The following MARF1 variants were observed in gnomAD, a reference collection of about 807,000 sequenced individuals.
The protein encoded by MARF1 is limkain-b1.
Under a neutral mutation model 168.2 loss-of-function variants are expected in MARF1, and 24 were observed. The ratio of observed to expected loss-of-function variants is 0.14; its 90% CI spans 0.10 to 0.20. The LOEUF is 0.20. Among genes scored for constraint, MARF1 ranks in the 10% least tolerant of loss-of-function variants. The pLI is 1.00. For synonymous variants in MARF1, 868 were observed against 822.4 expected (o/e 1.06, Z -0.95); for missense variants, 1,744 against 2,143.6 (o/e 0.81, Z 3.68).
At position 15,611,107 on chromosome 16, in the gene MARF1, A is replaced by C; in HGVS notation, c.3619T>G (p.Cys1207Gly). The change falls in exon 19 of 27, where the codon TGT (cysteine) becomes GGT (glycine). Residue 1207 changes from cysteine to glycine, a missense_variant and splice_region_variant. Physicochemically the swap from Cys to Gly is radical, Grantham distance 159. Transcript: ENST00000396368. ...VREFSQAYHW[C>G]FSKDWDVTEY... is the part of the protein sequence containing the mutation. The stretch of plus-strand genomic sequence containing the variant: ...GTGACATCCCAGTCCTTTGAGAAAC[A>C]CCTAGGTTTTAACAACGGAAGTGGA... The C allele has an allele frequency of 6.2e-7, 1 of 1,613,666 alleles. No homozygotes were observed. The highest frequency in any genetic ancestry group is 1.1e-5 in the South Asian group (1 of 91,052).
At chr16:15,605,741 G>A (rs1032736667) in intron 21 of MARF1, 1 of 152,166 alleles carries the variant, frequency 6.6e-6, no homozygotes, top group African/African-American at 2.4e-5. Context: ...TAAGGTTGGA[G>A]AAGCTCCCAG....
intron 22 of MARF1, 44 bp downstream of exon 22, chr16:15,604,124 G>T: frequency 1.4e-6 from 2 of 1,419,022 alleles, no homozygotes; most frequent in Non-Finnish European, 2.0e-6. Context: ...ATGCCCAATC[G>T]ATAGTTTTCA....
intron 20 of MARF1, 58 bp downstream of exon 20, chr16:15,609,465 G>C: frequency 7.0e-7 from 1 of 1,427,822 alleles, no homozygotes; most frequent in South Asian, 1.2e-5. Flanking sequence ...ACGTGAAAAA[G>C]TATTTCCTAT....
At chr16:15,604,136 T>A in intron 22 of MARF1, 32 bp downstream of exon 22, 1 of 1,479,904 alleles carries the variant, frequency 6.8e-7, no homozygotes, top group Non-Finnish European at 9.4e-7. Context: ...TAGTTTTCAA[T>A]GATAGTTCTA....
intron 7 of MARF1, 148 bp from the exon 8 acceptor site, chr16:15,625,948 T>C (rs2034812045): frequency 1.5e-6 from 1 of 645,808 alleles, no homozygotes; most frequent in Admixed American, 2.9e-5. Context: ...GTAAATTATT[T>C]AGTGTTGACA....
In MARF1 at chr16:15,643,077, C is replaced by A. The variant is rs1052769129; in HGVS notation, c.-118G>T. ...GCCCCGCCGCCTTCCCCCCGCCCCCCCCAGGCCCTTTGTTTTGATTCCCGA... is the reference window on the plus strand; with the variant it reads ...GCCCCGCCGCCTTCCCCCCGCCCCCACCAGGCCCTTTGTTTTGATTCCCGA... On this transcript the variant is annotated 5_prime_UTR_variant, in exon 1 of 27. Coordinates refer to ENST00000396368, the MANE Select transcript of MARF1 (RefSeq NM_014647.4). 8 of 298,086 alleles carry A rather than the reference C, an allele frequency of 2.7e-5. No individual in the cohort carries two copies. The highest frequency in any genetic ancestry group is 3.1e-4 in the East Asian group (2 of 6,492). 18.5% of individuals were successfully genotyped at this position (298,086 alleles called of 1,614,324 possible).
Position 15,596,589 on chromosome 16 carries a change from C to CG in MARF1, c.*103dup. 8.2e-7 allele frequency: 1 copy of CG among 1,223,168 alleles called. No individual in the cohort carries two copies. The highest frequency in any genetic ancestry group is 1.1e-6 in the Non-Finnish European group (1 of 897,266). 75.8% of individuals were successfully genotyped at this position (1,223,168 alleles called of 1,614,324 possible). A position where few individuals can be genotyped will look rare whatever the true frequency, so the allele number is the denominator to read the frequency against. On this transcript the variant is annotated 3_prime_UTR_variant, in exon 27 of 27. Transcript: ENST00000396368. ...ACAGGTAAGATGAAGTCAATGGCTTCGGGGGGTTTTCATGACACAGAAAAG... is the reference window on the plus strand; with the variant it reads ...ACAGGTAAGATGAAGTCAATGGCTTCGGGGGGGTTTTCATGACACAGAAAAG...
chr16:15,621,687 G>T, intron 12 of MARF1, 46 bp downstream of exon 12: 1 of 1,553,952 alleles, frequency 6.4e-7, no homozygotes, highest in South Asian at 1.2e-5. Flanking sequence ...AATTGTTTCT[G>T]GGTCAAATGT....
chr16:15,602,276 A>T, intron 22 of MARF1, 73 bp from the exon 23 acceptor site: 1 of 1,253,698 alleles, frequency 8.0e-7, no homozygotes, highest in African/African-American at 1.5e-5. Flanking sequence ...AAGGCCTCCC[A>T]CTGAGGGAAA....
At chr16:15,627,520 A>C (rs1945614272) in intron 7 of MARF1, among the ~76,000 whole-genome samples, 1 of 152,228 alleles carries the variant, frequency 6.6e-6, no homozygotes, top group South Asian at 2.1e-4. Context: ...CGGGAGGCTG[A>C]GGAAGGAGAA....
At chr16:15,624,501 C>T (rs2034694932) in intron 10 of MARF1, among the ~76,000 whole-genome samples, 1 of 152,164 alleles carries the variant, frequency 6.6e-6, no homozygotes, top group Non-Finnish European at 1.5e-5. Flanking sequence ...CTTTACATGC[C>T]CCCCTGCACT....
rs987159232 is a variant in MARF1, at chr16:15,641,291, T to C, written c.-59+1727A>G. On this transcript the variant is annotated intron_variant, in intron 1 of 26. Coordinates refer to ENST00000396368, the MANE Select transcript of MARF1 (RefSeq NM_014647.4). Reference sequence around the variant, plus strand: ...AGTAAACATTACCTACTACACACTATTGGGAGTGGTTAATTTGGAGATGGA... The same window carrying C: ...AGTAAACATTACCTACTACACACTACTGGGAGTGGTTAATTTGGAGATGGA... 2.6e-5 allele frequency among the ~76,000 whole-genome samples: 4 copies of C among 152,308 alleles called. No homozygotes were observed. The South Asian group carries it at 6.2e-4, about 24-fold the overall frequency.
intron 11 of MARF1, among the ~76,000 whole-genome samples, chr16:15,622,381 T>C (rs2034523590): frequency 6.6e-6 from 1 of 151,454 alleles, no homozygotes; most frequent in Non-Finnish European, 1.5e-5. Flanking sequence ...GTTTTACTTA[T>C]CAAATTGCCT....
intron 4 of MARF1, 31 bp from the exon 5 acceptor site, chr16:15,633,874 G>T: frequency 6.6e-7 from 1 of 1,522,188 alleles, no homozygotes; most frequent in Non-Finnish European, 9.0e-7. Context: ...TCAATTACTT[G>T]TAGTGGAAAA....
At chr16:15,608,229 A>G in intron 21 of MARF1, 62 bp downstream of exon 21, 1 of 1,092,508 alleles carries the variant, frequency 9.2e-7, no homozygotes, top group Non-Finnish European at 1.3e-6. Flanking sequence ...CCTAATGAGA[A>G]TTAGGTCACT....
At chr16:15,631,987 C>T (rs2035288086) in intron 5 of MARF1, among the ~76,000 whole-genome samples, 2 of 152,212 alleles carry the variant, frequency 1.3e-5, no homozygotes, top group South Asian at 4.1e-4. Context: ...TTTTCTTTAT[C>T]CAGTCTATCA....
intron 7 of MARF1, among the ~76,000 whole-genome samples, chr16:15,629,684 G>A (rs985243596): frequency 2.0e-4 from 31 of 152,196 alleles, no homozygotes; most frequent in African/African-American, 7.2e-4. Flanking sequence ...ATTCGCCAGC[G>A]GCTTAAACAC....
At chr16:15,640,757 T>C (rs553432370) in intron 1 of MARF1, among the ~76,000 whole-genome samples, 1 of 152,332 alleles carries the variant, frequency 6.6e-6, no homozygotes, top group South Asian at 2.1e-4. Flanking sequence ...AAAGTTTAAT[T>C]GGGACACAGA....
chr16:15,638,620 G>T (rs886564778), intron 2 of MARF1, among the ~76,000 whole-genome samples: 3 of 151,864 alleles, frequency 2.0e-5, no homozygotes, highest in African/African-American at 7.3e-5. Flanking sequence ...ATCACAATGA[G>T]TAAGCAAGAA....
Sources: allele counts gnomAD v4.1 joint callset (sites outside exome capture counted in the v4.1 genomes callset), GRCh38; gene constraint gnomAD v4.1.1; transcripts MANE v1.5; gene names NCBI Gene and HGNC (gene_info 2026-07-23, HGNC 2026-07-21).